PUS7L: variants seen among roughly 807,000 people sequenced by gnomAD.
The protein encoded by PUS7L is pseudouridylate synthase PUS7L.
PUS7L carries 49 observed loss-of-function variants against 51.1 expected under a neutral mutation model. That is an observed-to-expected ratio of 0.96 (90% CI 0.76 to 1.22). The LOEUF (loss-of-function observed/expected upper bound fraction) is 1.22, where lower values mean the gene tolerates loss of function less well. Among genes scored for constraint, PUS7L ranks in the 50% most tolerant of loss-of-function variants. PUS7L has a pLI of 0.00. For missense variants in PUS7L, 828 were observed against 820.6 expected (o/e 1.01, Z -0.11); for synonymous variants, 277 against 276.2 (o/e 1.00, Z -0.03).
chr12:43,748,559 AAAAACCAATCGCTTC>A lies in PUS7L; in HGVS notation c.946_960del (p.Glu316_Phe320del), dbSNP rs1402986345. On this transcript the variant is annotated inframe_deletion, in exon 3 of 9. Coordinates refer to ENST00000344862, the MANE Select transcript of PUS7L (RefSeq NM_031292.5). The stretch of plus-strand genomic sequence containing the variant: ...GGAATAACACCAAGTTTGATAGCTA[AAAAACCAATCGCTTC>A]AAACATTTCCAGGTTTTCCTTTCGT... 1 of 1,609,078 alleles carries A rather than the reference AAAAACCAATCGCTTC, an allele frequency of 6.2e-7. No homozygotes were observed. Among genetic ancestry groups the A allele is most frequent in the Non-Finnish European group, 8.5e-7 (1 of 1,178,776 alleles).
rs1944484951 is a variant in PUS7L, at chr12:43,728,483, C to T, written c.*1893G>A. 1 of 151,936 alleles carries T rather than the reference C, an allele frequency of 6.6e-6. No homozygotes were observed. The highest frequency in any genetic ancestry group is 2.1e-4 in the South Asian group (1 of 4,822). The allele number at this position is 151,936 out of a possible 1,614,324, so 9.4% of individuals were successfully genotyped here. ...ATTACATTTATAGGATACGATTTAT[C>T]ATATAAAATAAAACATTTTTTCTAA... On this transcript the variant is annotated 3_prime_UTR_variant, in exon 9 of 9. Coordinates refer to ENST00000344862, the MANE Select transcript of PUS7L (RefSeq NM_031292.5).
In PUS7L at chr12:43,719,639, A is replaced by G. The variant is rs1230729259; in HGVS notation, c.*10737T>C. Reference sequence around the variant, plus strand: ...TGGAAAAATTTTAAACTACTGGTTCATTTAATGATTACAGGATTATCATTA... The same window carrying G: ...TGGAAAAATTTTAAACTACTGGTTCGTTTAATGATTACAGGATTATCATTA... On this transcript the variant is annotated 3_prime_UTR_variant, in exon 9 of 9. Coordinates refer to ENST00000344862, the MANE Select transcript of PUS7L (RefSeq NM_031292.5). 1 of 152,208 alleles carries G rather than the reference A, an allele frequency of 6.6e-6. No individual in the cohort carries two copies. Among genetic ancestry groups the G allele is most frequent in the African/African-American group, 2.4e-5 (1 of 41,462 alleles). 9.4% of individuals were successfully genotyped at this position (152,208 alleles called of 1,614,324 possible).
At position 43,721,296 on chromosome 12, in the gene PUS7L, A is replaced by T. The variant is rs556497117; in HGVS notation, c.*9080T>A. ...CAAGCCCTGGAATCCTCATTTGTTA[A>T]ATGAGACTAGTTATCATACCTGACA... On this transcript the variant is annotated 3_prime_UTR_variant, in exon 9 of 9. Coordinates refer to ENST00000344862, the MANE Select transcript of PUS7L (RefSeq NM_031292.5). 12 of 152,322 alleles carry T rather than the reference A, an allele frequency of 7.9e-5. No homozygotes were observed. The highest frequency in any genetic ancestry group is 2.9e-4 in the African/African-American group (12 of 41,588). 9.4% of individuals were successfully genotyped at this position (152,322 alleles called of 1,614,324 possible).
intron 8 of PUS7L, among the ~76,000 whole-genome samples, 177 bp from the exon 9 acceptor site, chr12:43,730,879 A>G (rs895531615): frequency 2.0e-5 from 3 of 152,198 alleles, no homozygotes; most frequent in African/African-American, 7.2e-5. Context: ...TTATGCTGCC[A>G]AAGAAAATAG....
chr12:43,755,090 C>G lies in PUS7L; in HGVS notation c.156G>C (p.Glu52Asp), dbSNP rs777215753. Residue 52 changes from glutamate to aspartate, a missense_variant, in exon 2 of 9, where the codon GAG becomes GAC. Glu to Asp is a conservative substitution (Grantham distance 45). Coordinates refer to ENST00000344862, the MANE Select transcript of PUS7L (RefSeq NM_031292.5). ...QGQLVNKTID[E>D]PIFKISEIQL... Reference sequence around the variant, plus strand: ...GTATTTCACTAATCTTGAAAATAGGCTCATCGATGGTCTTATTAACTAACT... The same window carrying G: ...GTATTTCACTAATCTTGAAAATAGGGTCATCGATGGTCTTATTAACTAACT... 3.1e-6 allele frequency: 5 copies of G among 1,613,652 alleles called. No individual in the cohort carries two copies. In the East Asian group the frequency reaches 8.9e-5, roughly 29 times the overall value.
At chr12:43,756,197 C>G (rs1938692527) in intron 1 of PUS7L, among the ~76,000 whole-genome samples, 1 of 152,220 alleles carries the variant, frequency 6.6e-6, no homozygotes, top group Admixed American at 6.5e-5. Flanking sequence ...TACAAATTCT[C>G]CATATCCTAA....
chr12:43,735,189 C>T (rs1200141191), intron 7 of PUS7L, among the ~76,000 whole-genome samples: 1 of 151,868 alleles, frequency 6.6e-6, no homozygotes, highest in African/African-American at 2.4e-5. Context: ...TGGTGGCAGG[C>T]ATCTGTAGTC....
intron 7 of PUS7L, 79 bp from the exon 8 acceptor site, chr12:43,731,837 A>T: frequency 5.0e-6 from 4 of 805,238 alleles, no homozygotes; most frequent in Non-Finnish European, 8.5e-6. Flanking sequence ...CCCTAACTCT[A>T]TTATATATAA....
intron 2 of PUS7L, among the ~76,000 whole-genome samples, chr12:43,751,492 C>T (rs1367775713): frequency 6.6e-6 from 1 of 152,068 alleles, no homozygotes; most frequent in Non-Finnish European, 1.5e-5. Flanking sequence ...ATGATGGTTT[C>T]CAGCTTCATC....
At chr12:43,731,284 T>C (rs139264993) in intron 8 of PUS7L, among the ~76,000 whole-genome samples, 2 of 152,272 alleles carry the variant, frequency 1.3e-5, no homozygotes, top group Non-Finnish European at 2.9e-5. Context: ...AATTCAAATA[T>C]ACACAATATG....
rs372516252 is a variant in PUS7L at position 43,750,911 on chromosome 12, A to G, written c.911-2302T>C. Among the ~76,000 whole-genome samples the G allele has an allele frequency of 3.3e-5, 5 of 152,166 alleles. No individual in the cohort carries two copies. The East Asian group carries it at 9.6e-4, about 29-fold the overall frequency. ...ACAGGGAGAGTACCTGATAAGACAA[A>G]GCTTTGTAGAGAAGAAGTTCCAGAA... is the stretch of plus-strand genomic sequence containing the variant. On this transcript the variant is annotated intron_variant, in intron 2 of 8. Transcript: ENST00000344862.
At chr12:43,732,258 A>C (rs1398237893) in intron 7 of PUS7L, among the ~76,000 whole-genome samples, 2 of 152,010 alleles carry the variant, frequency 1.3e-5, no homozygotes, top group Non-Finnish European at 1.5e-5. Context: ...CATGGACAAC[A>C]TAGGGAAATC....
At chr12:43,748,881 G>A (rs938794299) in intron 2 of PUS7L, among the ~76,000 whole-genome samples, 1 of 151,904 alleles carries the variant, frequency 6.6e-6, no homozygotes, top group East Asian at 1.9e-4. Flanking sequence ...ACACCACCAC[G>A]CCCAGCTAAT....
In PUS7L at chr12:43,755,117, TC is replaced by T. The variant is rs1565647584; in HGVS notation, c.128del (p.Gly43AspfsTer3). The T allele has an allele frequency of 6.2e-7, 1 of 1,613,666 alleles. No individual in the cohort carries two copies. The highest frequency in any genetic ancestry group is 8.5e-7 in the Non-Finnish European group (1 of 1,179,720). The part of the protein sequence containing the change: ...DFIVIEIDEQ[G>X]QLVNKTIDEP... ...CATCGATGGTCTTATTAACTAACTG[TC>T]CCTGTTCATCAATTTCAATAACAAT... On this transcript the variant is annotated frameshift_variant, in exon 2 of 9. Coordinates refer to ENST00000344862, the MANE Select transcript of PUS7L (RefSeq NM_031292.5). LOFTEE classifies it high-confidence loss of function.
Position 43,723,467 on chromosome 12 carries a change from C to T in PUS7L, c.*6909G>A, listed in dbSNP as rs1405191435. The T allele has an allele frequency of 1.3e-5, 2 of 151,966 alleles. No individual in the cohort carries two copies. The highest frequency in any genetic ancestry group is 2.9e-5 in the Non-Finnish European group (2 of 67,922). The allele number at this position is 151,966 out of a possible 1,614,324, so 9.4% of individuals were successfully genotyped here. A position where few individuals can be genotyped will look rare whatever the true frequency, so the allele number is the denominator to read the frequency against. ...GATTTAGAATGGAGTGCTGAGAGGTCAAGTAACATATTATTGGTCATACAG... is the reference window on the plus strand; with the variant it reads ...GATTTAGAATGGAGTGCTGAGAGGTTAAGTAACATATTATTGGTCATACAG... On this transcript the variant is annotated 3_prime_UTR_variant, in exon 9 of 9. Transcript: ENST00000344862.
Position 43,754,828 on chromosome 12 carries a change from A to G in PUS7L, c.418T>C (p.Phe140Leu). Residue 140 changes from phenylalanine to leucine, a missense_variant, in exon 2 of 9, where the codon TTT becomes CTT. Coordinates refer to ENST00000344862, the MANE Select transcript of PUS7L (RefSeq NM_031292.5). ...CACTTCTCTCTTACATCACAGGCAA[A>G]ATTATTCAGTAACTCATGAGTTTTT... ...DEKTHELLNN[F>L]ACDVREKWLS... 6.2e-7 allele frequency: 1 copy of G among 1,613,792 alleles called. No homozygotes were observed. Among genetic ancestry groups the G allele is most frequent in the Non-Finnish European group, 8.5e-7 (1 of 1,179,866 alleles).
rs374740291 is a variant in PUS7L, at chr12:43,754,833, T to C, written c.413A>G (p.Asn138Ser). 6 of 1,613,686 alleles carry C rather than the reference T, an allele frequency of 3.7e-6. No individual in the cohort carries two copies. The highest frequency in any genetic ancestry group is 1.7e-6 in the Non-Finnish European group (2 of 1,179,882). Reference protein sequence around the residue: ...FLDEKTHELLNNFACDVREKW... With the variant: ...FLDEKTHELLSNFACDVREKW... ...CTCTCTTACATCACAGGCAAAATTATTCAGTAACTCATGAGTTTTTTCATC... is the reference window on the plus strand; with the variant it reads ...CTCTCTTACATCACAGGCAAAATTACTCAGTAACTCATGAGTTTTTTCATC... The change falls in exon 2 of 9, where the codon AAT becomes AGT. Residue 138 changes from asparagine to serine, a missense_variant. By Grantham distance (46) the Asn-to-Ser change is conservative. Coordinates refer to ENST00000344862, the MANE Select transcript of PUS7L (RefSeq NM_031292.5).
intron 6 of PUS7L, 56 bp from the exon 7 acceptor site, chr12:43,736,717 T>C (rs1944702813): frequency 1.3e-5 from 20 of 1,507,566 alleles, no homozygotes; most frequent in Non-Finnish European, 1.7e-5. Context: ...AGGCCAGTTA[T>C]AAAGGCTTTT....
intron 4 of PUS7L, among the ~76,000 whole-genome samples, chr12:43,745,249 A>G (rs992872105): frequency 6.6e-6 from 1 of 152,218 alleles, no homozygotes; most frequent in African/African-American, 2.4e-5. Context: ...GGAAAATGTC[A>G]TTTAGAAACT....
Sources: allele counts gnomAD v4.1 joint callset (sites outside exome capture counted in the v4.1 genomes callset), GRCh38; gene constraint gnomAD v4.1.1; transcripts MANE v1.5; gene names NCBI Gene and HGNC (gene_info 2026-07-23, HGNC 2026-07-21).